The following ACTR3C variants were observed in gnomAD, a reference collection of about 807,000 sequenced individuals.
ACTR3C encodes actin related protein 3C.
Under a neutral mutation model 26.3 loss-of-function variants are expected in ACTR3C, and 18 were observed. The ratio of observed to expected loss-of-function variants is 0.68; its 90% CI spans 0.47 to 1.01. The LOEUF (loss-of-function observed/expected upper bound fraction) is 1.01. Among genes scored for constraint, ACTR3C ranks in the 50% least tolerant of loss-of-function variants. The pLI, the probability that ACTR3C is intolerant of heterozygous loss-of-function variation, is 0.00. For missense variants in ACTR3C, 184 were observed against 250.7 expected, an observed-to-expected ratio of 0.73 and a Z score of 1.80; for synonymous variants, 55 against 94.5, an observed-to-expected ratio of 0.58 and a Z score of 2.42.
the ACTR3C span, among the ~76,000 whole-genome samples, chr7:149,967,694 T>C: frequency 2.6e-5 from 4 of 152,216 alleles, no homozygotes; most frequent in African/African-American, 7.2e-5. Flanking sequence ...CTCTTGTTAA[T>C]GTCACTTGTT....
intron 1 of ACTR3C, among the ~76,000 whole-genome samples, chr7:150,314,230 T>C (rs1796598394): frequency 6.6e-6 from 1 of 152,246 alleles, no homozygotes; most frequent in Non-Finnish European, 1.5e-5. Context: ...TGACTTTATG[T>C]GACCAGTTTT....
chr7:150,136,932 G>A, the ACTR3C span, among the ~76,000 whole-genome samples: 5 of 152,264 alleles, frequency 3.3e-5, no homozygotes, highest in African/African-American at 7.2e-5. Flanking sequence ...GGATGGCTTC[G>A]GGATGAAACT....
the ACTR3C span, among the ~76,000 whole-genome samples, chr7:149,933,573 A>G: frequency 6.6e-6 from 1 of 152,240 alleles, no homozygotes; most frequent in East Asian, 1.9e-4. Flanking sequence ...AATTACAACA[A>G]AAAGCCATGA....
At chr7:149,992,062 G>T in the ACTR3C span, among the ~76,000 whole-genome samples, 8 of 148,130 alleles carry the variant, frequency 5.4e-5, 1 homozygote, top group South Asian at 1.8e-3. Context: ...TTGAGTGTTT[G>T]TTATGTAAGC....
chr7:149,885,313 C>G, the ACTR3C span, among the ~76,000 whole-genome samples: 5 of 152,202 alleles, frequency 3.3e-5, no homozygotes, highest in Non-Finnish European at 7.3e-5. Flanking sequence ...GCTGGCTTCC[C>G]CAGCAGGACT....
At chr7:150,018,206 TG>T in the ACTR3C span, among the ~76,000 whole-genome samples, 2 of 149,980 alleles carry the variant, frequency 1.3e-5, no homozygotes, top group African/African-American at 5.0e-5. Context: ...CCACAAAGCC[TG>T]GCTAATTTTT....
chr7:150,079,468 T>G, the ACTR3C span, among the ~76,000 whole-genome samples: 1 of 152,176 alleles, frequency 6.6e-6, no homozygotes, highest in Non-Finnish European at 1.5e-5. Context: ...GAAGCCTTAC[T>G]CTGAGTGGTA....
the ACTR3C span, among the ~76,000 whole-genome samples, chr7:150,088,614 T>A: frequency 2.0e-5 from 3 of 152,190 alleles, no homozygotes; most frequent in African/African-American, 2.4e-5. Flanking sequence ...CTACTTTGCC[T>A]TTTTGTTATA....
At chr7:150,040,775 G>A in the ACTR3C span, 1 of 146,368 alleles carries the variant, frequency 6.8e-6, no homozygotes, top group Non-Finnish European at 1.5e-5. Flanking sequence ...GGGAAGAGGG[G>A]CTGGCTCTCA....
At chr7:150,273,202 C>T (rs1834583859) in intron 6 of ACTR3C, among the ~76,000 whole-genome samples, 1 of 148,476 alleles carries the variant, frequency 6.7e-6, no homozygotes, top group Admixed American at 6.6e-5. Flanking sequence ...ATGCCCTATT[C>T]ATCTAATACT....
At chr7:149,907,508 C>CTCTCTCTG in the ACTR3C span, among the ~76,000 whole-genome samples, 1 of 151,138 alleles carries the variant, frequency 6.6e-6, no homozygotes, top group African/African-American at 2.4e-5. Context: ...CTCTCTCTCT[C>CTCTCTCTG]TCTCTCAACA....
At chr7:150,128,510 C>A in the ACTR3C span, among the ~76,000 whole-genome samples, 1 of 151,800 alleles carries the variant, frequency 6.6e-6, no homozygotes, top group East Asian at 1.9e-4. Flanking sequence ...TCAGTGTTTT[C>A]CTAGACACTC....
downstream of ACTR3C, among the ~76,000 whole-genome samples, chr7:150,242,075 G>A (rs569777156): frequency 9.3e-4 from 142 of 152,144 alleles, 1 homozygote; most frequent in Middle Eastern, 3.4e-3. Flanking sequence ...AATTAGCCTG[G>A]TGTGGTGGCA....
At chr7:150,007,113 G>A in the ACTR3C span, among the ~76,000 whole-genome samples, 3 of 152,040 alleles carry the variant, frequency 2.0e-5, no homozygotes, top group Non-Finnish European at 2.9e-5. Context: ...GAGGGTCCTC[G>A]AAGTGTGAAG....
the ACTR3C span, among the ~76,000 whole-genome samples, chr7:150,176,316 C>T: frequency 6.0e-5 from 9 of 150,588 alleles, no homozygotes; most frequent in South Asian, 2.1e-4. Context: ...CTAGTTGCTC[C>T]GTAGAAATGA....
the ACTR3C span, among the ~76,000 whole-genome samples, chr7:150,091,754 G>A: frequency 3.4e-5 from 5 of 147,346 alleles, no homozygotes; most frequent in Admixed American, 1.3e-4. Context: ...AGGCCGAGGC[G>A]GGCGGATCAC....
the ACTR3C span, among the ~76,000 whole-genome samples, chr7:149,905,553 AAAAGAT>A: frequency 6.6e-6 from 1 of 151,146 alleles, no homozygotes; most frequent in Non-Finnish European, 1.5e-5. Context: ...TCTAGATGAT[AAAAGAT>A]AATTTTTAAA....
chr7:149,929,425 C>CAA, the ACTR3C span, among the ~76,000 whole-genome samples: 17,764 of 48,984 alleles, frequency 0.36, 4,500 homozygotes, highest in Non-Finnish European at 0.41. Flanking sequence ...AAGATTCTGT[C>CAA]AAAAAAAAAA....
chr7:150,040,491 T>C, the ACTR3C span: 1 of 148,618 alleles, frequency 6.7e-6, no homozygotes. Context: ...AAGGCTTGGC[T>C]AATACTGCAA....
Sources: allele counts gnomAD v4.1 joint callset (sites outside exome capture counted in the v4.1 genomes callset), GRCh38; gene constraint gnomAD v4.1.1; transcripts MANE v1.5; gene names NCBI Gene and HGNC (gene_info 2026-07-23, HGNC 2026-07-21).